ADARB2: variants seen among roughly 807,000 people sequenced by gnomAD.
The protein encoded by ADARB2 is inactive double-stranded RNA-specific editase B2.
Under a neutral mutation model 62.2 loss-of-function variants are expected in ADARB2, and 25 were observed. The ratio of observed to expected loss-of-function variants is 0.40; its 90% CI spans 0.29 to 0.56. The LOEUF is 0.56. ADARB2 is among the 20% of genes least tolerant of loss of function. The pLI is 0.43. For synonymous variants in ADARB2, 572 were observed against 500.8 expected (o/e 1.14, Z -1.90); for missense variants, 1,071 against 1,077.4 (o/e 0.99, Z 0.08).
At chr10:1,314,718 C>T (rs1831722212) in intron 3 of ADARB2, among the ~76,000 whole-genome samples, 1 of 152,124 alleles carries the variant, frequency 6.6e-6, no homozygotes, top group South Asian at 2.1e-4. Context: ...GAGAGGGGCC[C>T]CTGAGAGCAT....
chr10:1,327,462 CT>C lies in ADARB2; in HGVS notation c.1077+35565del, dbSNP rs1441992394. 2.5e-4 allele frequency among the ~76,000 whole-genome samples: 23 copies of C among 91,950 alleles called. 1 individual carries two copies. The highest frequency in any genetic ancestry group is 4.1e-4 in the Non-Finnish European group (18 of 43,918). 60.3% of individuals were successfully genotyped at this position (91,950 alleles called of 152,430 possible). A position where few individuals can be genotyped will look rare whatever the true frequency, so the allele number is the denominator to read the frequency against. On this transcript the variant is annotated intron_variant, in intron 3 of 9. Coordinates refer to ENST00000381312, the MANE Select transcript of ADARB2 (RefSeq NM_018702.4). ...GCGCCTCCCCACGGCCCAGCGCCTC[CT>C]CACTGCACAGCGCCTCCTCACTGCA... is the stretch of plus-strand genomic sequence containing the variant.
intron 1 of ADARB2, among the ~76,000 whole-genome samples, chr10:1,627,825 C>G (rs1247166967): frequency 1.3e-5 from 2 of 152,188 alleles, no homozygotes; most frequent in East Asian, 3.9e-4. Context: ...GAGACACAGC[C>G]TCGTAGAGAT....
At chr10:1,536,838 A>C (rs1057374198) in intron 1 of ADARB2, among the ~76,000 whole-genome samples, 2 of 152,342 alleles carry the variant, frequency 1.3e-5, no homozygotes, top group South Asian at 2.1e-4. Context: ...CTTAAATGTA[A>C]AACCCCAAAC....
At chr10:1,732,226 T>C (rs1835242744) in intron 1 of ADARB2, among the ~76,000 whole-genome samples, 1 of 151,656 alleles carries the variant, frequency 6.6e-6, no homozygotes. Flanking sequence ...ATAATATGTA[T>C]GTGTGTATAT....
rs113613762 is a variant in ADARB2 at position 1,591,655 on chromosome 10, G to GCACACACA, written c.100+145395_100+145396insTGTGTGTG. Among the ~76,000 whole-genome samples the GCACACACA allele has an allele frequency of 1.7e-3, 150 of 87,016 alleles. 1 individual carries two copies. The highest frequency in any genetic ancestry group is 9.6e-3 in the South Asian group (36 of 3,766). The allele number at this position is 87,016 out of a possible 152,430, so 57.1% of individuals were successfully genotyped here. A position where few individuals can be genotyped will look rare whatever the true frequency, so the allele number is the denominator to read the frequency against. On this transcript the variant is annotated intron_variant, in intron 1 of 9. Transcript: ENST00000381312. The stretch of plus-strand genomic sequence containing the variant: ...GAATCTCTCTTACACACAGAGGCGT[G>GCACACACA]CACGCACACACACACACACACACGC...
intron 1 of ADARB2, among the ~76,000 whole-genome samples, chr10:1,601,261 C>T (rs1457930697): frequency 6.6e-6 from 1 of 152,118 alleles, no homozygotes; most frequent in Non-Finnish European, 1.5e-5. Flanking sequence ...TCACTGGAGC[C>T]CAGGCGTCAA....
chr10:1,203,356 C>T (rs777550955), intron 7 of ADARB2, among the ~76,000 whole-genome samples: 4 of 152,132 alleles, frequency 2.6e-5, no homozygotes, highest in South Asian at 2.1e-4. Flanking sequence ...GGTGGGTTGA[C>T]GACACCTCAG....
intron 1 of ADARB2, among the ~76,000 whole-genome samples, chr10:1,597,654 T>A (rs1345280238): frequency 1.3e-5 from 2 of 152,236 alleles, no homozygotes; most frequent in Non-Finnish European, 2.9e-5. Flanking sequence ...GCAAAGGGAA[T>A]GCTACTATGC....
chr10:1,406,982 C>T (rs1445154411), intron 1 of ADARB2, among the ~76,000 whole-genome samples: 3 of 152,204 alleles, frequency 2.0e-5, no homozygotes, highest in Non-Finnish European at 4.4e-5. Flanking sequence ...TGGCCAGGGA[C>T]GCTGGTGATC....
At chr10:1,424,646 CA>C (rs933022106) in intron 1 of ADARB2, among the ~76,000 whole-genome samples, 23 of 143,516 alleles carry the variant, frequency 1.6e-4, no homozygotes, top group Non-Finnish European at 2.4e-4. Context: ...CAGGAGTTTG[CA>C]AAAAAAAAAG....
rs1366709023 is a variant in ADARB2 at position 1,294,583 on chromosome 10, C to A, written c.1078-23514G>T. Among the ~76,000 whole-genome samples the A allele has an allele frequency of 2.0e-5, 3 of 152,262 alleles. No individual in the cohort carries two copies. In the South Asian group the frequency reaches 6.2e-4, roughly 32 times the overall value. On this transcript the variant is annotated intron_variant, in intron 3 of 9. Coordinates refer to ENST00000381312, the MANE Select transcript of ADARB2 (RefSeq NM_018702.4). Reference sequence around the variant, plus strand: ...GGTTCCAGTGATGTCGACCCTAGGACTTCTCCGGCTCTGACATGACTGTCT... The same window carrying A: ...GGTTCCAGTGATGTCGACCCTAGGAATTCTCCGGCTCTGACATGACTGTCT...
At chr10:1,437,922 G>A (rs1004963058) in intron 1 of ADARB2, among the ~76,000 whole-genome samples, 12 of 152,196 alleles carry the variant, frequency 7.9e-5, no homozygotes, top group African/African-American at 2.9e-4. Flanking sequence ...AATCTTCAAC[G>A]CGAGGCTCCC....
chr10:1,486,644 T>C (rs1490788586), intron 1 of ADARB2, among the ~76,000 whole-genome samples: 3 of 152,156 alleles, frequency 2.0e-5, no homozygotes, highest in Non-Finnish European at 4.4e-5. Context: ...AATATGGGTA[T>C]ACAGACCTCA....
At chr10:1,613,128 A>G (rs1833591677) in intron 1 of ADARB2, among the ~76,000 whole-genome samples, 2 of 152,222 alleles carry the variant, frequency 1.3e-5, no homozygotes, top group South Asian at 4.1e-4. Context: ...GATAAAAGTA[A>G]ACTTTACTGT....
At chr10:1,407,625 A>G (rs1408439550) in intron 1 of ADARB2, among the ~76,000 whole-genome samples, 1 of 152,200 alleles carries the variant, frequency 6.6e-6, no homozygotes, top group Non-Finnish European at 1.5e-5. Flanking sequence ...TCCTCGGGGC[A>G]TAGTCCTAGC....
At chr10:1,434,785 T>G (rs1287987616) in intron 1 of ADARB2, among the ~76,000 whole-genome samples, 1 of 152,198 alleles carries the variant, frequency 6.6e-6, no homozygotes, top group Non-Finnish European at 1.5e-5. Flanking sequence ...TCATCACTTA[T>G]GTCTTTAGGG....
chr10:1,649,823 A>T (rs959529667), intron 1 of ADARB2, among the ~76,000 whole-genome samples: 28 of 152,270 alleles, frequency 1.8e-4, no homozygotes, highest in African/African-American at 5.3e-4. Context: ...CAGGCAGAGG[A>T]GATGGTCTCT....
intron 1 of ADARB2, among the ~76,000 whole-genome samples, chr10:1,730,318 GC>G (rs1394859003): frequency 6.6e-6 from 1 of 152,096 alleles, no homozygotes; most frequent in African/African-American, 2.4e-5. Context: ...AATAATAACT[GC>G]CCCCTTTCAC....
chr10:1,596,801 G>C (rs982182881), intron 1 of ADARB2, among the ~76,000 whole-genome samples: 11 of 152,240 alleles, frequency 7.2e-5, no homozygotes, highest in Non-Finnish European at 1.3e-4. Flanking sequence ...TGTTGACGAA[G>C]TGGCAAAGCA....
Sources: gnomAD v4.1 joint callset for allele counts (sites outside exome capture counted in the v4.1 genomes callset) on GRCh38, gnomAD v4.1.1 for gene constraint, MANE v1.5 for transcripts, NCBI Gene and HGNC (gene_info 2026-07-23, HGNC 2026-07-21) for gene names.